Variants in FAM169A observed in about 807,000 individuals in gnomAD.
FAM169A encodes the protein soluble lamin-associated protein of 75 kDa.
In FAM169A, 24 loss-of-function variants were observed where a neutral mutation model predicts 75.7. The observed-to-expected ratio is 0.32, with a 90% CI of 0.23 to 0.45. The LOEUF (loss-of-function observed/expected upper bound fraction) is 0.45. Ranked by LOEUF, FAM169A falls within the 20% of genes least tolerant of loss-of-function variation. The pLI is 1.00. For missense variants in FAM169A, 673 were observed against 784.0 expected (o/e 0.86, Z 1.69); for synonymous variants, 271 against 271.0 (o/e 1.00, Z 0.00).
chr5:74,795,400 T>C (rs1746218560), intron 11 of FAM169A, among the ~76,000 whole-genome samples: 1 of 151,986 alleles, frequency 6.6e-6, no homozygotes, highest in South Asian at 2.1e-4. Context: ...AAGGAAAAGA[T>C]TGAAGATACT....
At chr5:74,838,926 G>T in intron 4 of FAM169A, 39 bp downstream of exon 4, 2 of 1,358,476 alleles carry the variant, frequency 1.5e-6, no homozygotes, top group Non-Finnish European at 1.1e-6. Flanking sequence ...CTGTGAAATG[G>T]CCTCAAAAGA....
In FAM169A at chr5:74,778,932, G is replaced by A. The variant is rs1322149191; in HGVS notation, c.*2528C>T. On this transcript the variant is annotated 3_prime_UTR_variant, in exon 13 of 13. Coordinates refer to ENST00000687041, the MANE Select transcript of FAM169A (RefSeq NM_001376049.1). ...GCAAAAACTACAGATAACTGATTAA[G>A]TTCATGTAGGTTCCTTATTGAAGAT... 1 of 152,038 alleles carries A rather than the reference G, an allele frequency of 6.6e-6. No individual in the cohort carries two copies. The highest frequency in any genetic ancestry group is 1.9e-4 in the East Asian group (1 of 5,192). The allele number at this position is 152,038 out of a possible 1,614,324, so 9.4% of individuals were successfully genotyped here.
At chr5:74,827,091 T>C (rs1371207156) in intron 5 of FAM169A, among the ~76,000 whole-genome samples, 1 of 152,326 alleles carries the variant, frequency 6.6e-6, no homozygotes, top group East Asian at 1.9e-4. Flanking sequence ...CAGTACATCA[T>C]ATATCATGGG....
intron 6 of FAM169A, among the ~76,000 whole-genome samples, chr5:74,813,473 C>T (rs766338948): frequency 7.2e-5 from 11 of 151,884 alleles, no homozygotes; most frequent in Non-Finnish European, 1.6e-4. Flanking sequence ...ATCACAGGCA[C>T]GTGCCACCAC....
chr5:74,792,685 GA>G (rs924071273), intron 11 of FAM169A, among the ~76,000 whole-genome samples: 3 of 152,030 alleles, frequency 2.0e-5, no homozygotes, highest in Non-Finnish European at 4.4e-5. Context: ...AATTATCAAG[GA>G]AATGCAAATC....
In FAM169A at chr5:74,781,382, C is replaced by T; in HGVS notation, c.*78G>A. The T allele has an allele frequency of 7.2e-7, 1 of 1,388,534 alleles. No homozygotes were observed. The highest frequency in any genetic ancestry group is 2.1e-5 in the Admixed American group (1 of 47,252). 86.0% of individuals were successfully genotyped at this position (1,388,534 alleles called of 1,614,324 possible). ...GGAAATTTTTGTCCTGTGCCCCATG[C>T]TGTTTATTAATTACCATATTTTAAA... On this transcript the variant is annotated 3_prime_UTR_variant, in exon 13 of 13. Transcript: ENST00000687041.
chr5:74,838,416 C>T (rs1285479216), intron 4 of FAM169A, among the ~76,000 whole-genome samples: 2 of 152,102 alleles, frequency 1.3e-5, no homozygotes, highest in African/African-American at 2.4e-5. Flanking sequence ...ATTTATCCTC[C>T]AATAACTAGA....
rs1748784058 is a variant in FAM169A, at chr5:74,840,187, T to C, written c.133-14A>G. 7 of 1,270,392 alleles carry C rather than the reference T, an allele frequency of 5.5e-6. No homozygotes were observed. The highest frequency in any genetic ancestry group is 7.8e-6 in the Non-Finnish European group (7 of 899,328). The allele number at this position is 1,270,392 out of a possible 1,614,324, so 78.7% of individuals were successfully genotyped here. On this transcript the variant is annotated splice_polypyrimidine_tract_variant and intron_variant, in intron 2 of 12. Coordinates refer to ENST00000687041, the MANE Select transcript of FAM169A (RefSeq NM_001376049.1). Reference sequence around the variant, plus strand: ...GCTAATAGGAATCTGAAATGACAAATTAATAAAGATTAGTGAACAGTCTGT... The same window carrying C: ...GCTAATAGGAATCTGAAATGACAAACTAATAAAGATTAGTGAACAGTCTGT...
At chr5:74,817,080 C>A (rs1322066001) in intron 5 of FAM169A, among the ~76,000 whole-genome samples, 1 of 151,962 alleles carries the variant, frequency 6.6e-6, no homozygotes, top group African/African-American at 2.4e-5. Context: ...TACAAAAAAA[C>A]CACAATTAAC....
chr5:74,845,240 C>T (rs191331555), intron 1 of FAM169A, among the ~76,000 whole-genome samples: 27 of 152,176 alleles, frequency 1.8e-4, no homozygotes, highest in African/African-American at 6.5e-4. Flanking sequence ...ATGTACATGC[C>T]GGGTGCGGTG....
rs1309190247 is a variant in FAM169A, at chr5:74,844,960, A to G, written c.-3-3281T>C. On this transcript the variant is annotated intron_variant, in intron 1 of 12. Transcript: ENST00000687041. Reference sequence around the variant, plus strand: ...TTACCCAATAACCTCTTCAATTTTTATTTAAAACAGTTTTATAAAGGGGAA... The same window carrying G: ...TTACCCAATAACCTCTTCAATTTTTGTTTAAAACAGTTTTATAAAGGGGAA... 2.6e-5 allele frequency among the ~76,000 whole-genome samples: 4 copies of G among 152,346 alleles called. No individual in the cohort carries two copies. In the East Asian group the frequency reaches 7.7e-4, roughly 29 times the overall value.
intron 12 of FAM169A, among the ~76,000 whole-genome samples, 161 bp downstream of exon 12, chr5:74,782,767 GAAT>G (rs1163641987): frequency 6.6e-6 from 1 of 152,030 alleles, no homozygotes; most frequent in African/African-American, 2.4e-5. Context: ...TGAATTTATA[GAAT>G]ATTACTGATT....
intron 5 of FAM169A, among the ~76,000 whole-genome samples, chr5:74,825,272 A>C (rs1747965705): frequency 6.6e-6 from 1 of 152,208 alleles, no homozygotes; most frequent in African/African-American, 2.4e-5. Flanking sequence ...AATCTAGATC[A>C]GTCAATCTTT....
chr5:74,779,776 G>A lies in FAM169A; in HGVS notation c.*1684C>T, dbSNP rs924821103. 3.3e-5 allele frequency: 5 copies of A among 152,028 alleles called. No individual in the cohort carries two copies. The highest frequency in any genetic ancestry group is 4.8e-5 in the African/African-American group (2 of 41,414). 9.4% of individuals were successfully genotyped at this position (152,028 alleles called of 1,614,324 possible). A position where few individuals can be genotyped will look rare whatever the true frequency, so the allele number is the denominator to read the frequency against. The stretch of plus-strand genomic sequence containing the variant: ...TTCAAAATCTAACACAAATAGGAGC[G>A]TTTACTATTTTTGTCTGCTTTAAGA... On this transcript the variant is annotated 3_prime_UTR_variant, in exon 13 of 13. Transcript: ENST00000687041.
At chr5:74,813,197 G>T (rs1361963026) in intron 6 of FAM169A, among the ~76,000 whole-genome samples, 1 of 152,120 alleles carries the variant, frequency 6.6e-6, no homozygotes, top group Non-Finnish European at 1.5e-5. Flanking sequence ...TTGGTACAGG[G>T]TTTCTTTTTG....
intron 11 of FAM169A, among the ~76,000 whole-genome samples, chr5:74,790,378 G>A (rs1443747338): frequency 6.6e-6 from 1 of 152,216 alleles, no homozygotes; most frequent in African/African-American, 2.4e-5. Context: ...CAAGGAAGTA[G>A]AAATAGACAG....
intron 1 of FAM169A, among the ~76,000 whole-genome samples, chr5:74,845,663 AGTAAAT>A (rs1468110552): frequency 1.3e-5 from 2 of 152,256 alleles, no homozygotes; most frequent in African/African-American, 4.8e-5. Flanking sequence ...TTCAACTGTT[AGTAAAT>A]GTAAATGTCT....
intron 1 of FAM169A, among the ~76,000 whole-genome samples, chr5:74,861,764 C>T (rs1328197837): frequency 6.6e-6 from 1 of 152,178 alleles, no homozygotes; most frequent in Non-Finnish European, 1.5e-5. Context: ...TATGCTAAAA[C>T]TTATTGAAGT....
In FAM169A at chr5:74,779,759, C is replaced by A. The variant is rs1269658378; in HGVS notation, c.*1701G>T. ...ATAGGGTAATACAATTGTTCAAAAT[C>A]TAACACAAATAGGAGCGTTTACTAT... On this transcript the variant is annotated 3_prime_UTR_variant, in exon 13 of 13. Transcript: ENST00000687041. 1.3e-5 allele frequency: 2 copies of A among 152,044 alleles called. No individual in the cohort carries two copies. The highest frequency in any genetic ancestry group is 4.8e-5 in the African/African-American group (2 of 41,398). 9.4% of individuals were successfully genotyped at this position (152,044 alleles called of 1,614,324 possible).
Sources: gnomAD v4.1 joint callset for allele counts (sites outside exome capture counted in the v4.1 genomes callset) on GRCh38, gnomAD v4.1.1 for gene constraint, MANE v1.5 for transcripts, NCBI Gene and HGNC (gene_info 2026-07-23, HGNC 2026-07-21) for gene names.